Variants in MCC observed in about 807,000 individuals in gnomAD.
MCC encodes colorectal mutant cancer protein.
Under a neutral mutation model 116.2 loss-of-function variants are expected in MCC, and 90 were observed. That is an observed-to-expected ratio of 0.77 (90% CI 0.65 to 0.92). MCC has a LOEUF of 0.92. MCC is among the 40% of genes least tolerant of loss of function. The pLI is 0.00. For synonymous variants in MCC, 578 were observed against 510.5 expected, an observed-to-expected ratio of 1.13 and a Z score of -1.78; for missense variants, 1,516 against 1,312.2, an observed-to-expected ratio of 1.16 and a Z score of -2.40.
At chr5:113,457,174 C>T (rs1431217328) in intron 1 of MCC, among the ~76,000 whole-genome samples, 1 of 152,216 alleles carries the variant, frequency 6.6e-6, no homozygotes, top group African/African-American at 2.4e-5. Context: ...CCGGGGCTGC[C>T]TGCAGCGCTT....
chr5:113,136,705 A>G (rs1295480569), intron 5 of MCC, among the ~76,000 whole-genome samples: 2 of 152,168 alleles, frequency 1.3e-5, no homozygotes, highest in African/African-American at 4.8e-5. Context: ...TGTATCCTGT[A>G]ACTTTACTGA....
intron 1 of MCC, among the ~76,000 whole-genome samples, chr5:113,468,054 T>A (rs1771967234): frequency 6.6e-6 from 1 of 152,256 alleles, no homozygotes; most frequent in South Asian, 2.1e-4. Context: ...TTTGCTGAAG[T>A]TGCTTATCAG....
At chr5:113,207,858 C>G (rs1223456012) in intron 3 of MCC, among the ~76,000 whole-genome samples, 1 of 152,144 alleles carries the variant, frequency 6.6e-6, no homozygotes, top group African/African-American at 2.4e-5. Context: ...AGTCCTTCCC[C>G]TGGAGGCCAC....
At chr5:113,217,583 G>A (rs950579910) in intron 3 of MCC, among the ~76,000 whole-genome samples, 1 of 152,132 alleles carries the variant, frequency 6.6e-6, no homozygotes, top group East Asian at 1.9e-4. Context: ...TTAGCAAAAA[G>A]TAAAAAACAG....
chr5:113,030,304 A>G (rs1405707499), intron 17 of MCC, among the ~76,000 whole-genome samples: 1 of 152,194 alleles, frequency 6.6e-6, no homozygotes, highest in Non-Finnish European at 1.5e-5. Flanking sequence ...ATAATGCCTA[A>G]TAAAGGGAGA....
At chr5:113,345,500 C>T (rs1182904631) in intron 2 of MCC, among the ~76,000 whole-genome samples, 1 of 152,212 alleles carries the variant, frequency 6.6e-6, no homozygotes, top group Non-Finnish European at 1.5e-5. Flanking sequence ...CAGTGTAGTC[C>T]TAGTGGTGGG....
At position 113,451,507 on chromosome 5, in the gene MCC, G is replaced by T. The variant is rs568637033; in HGVS notation, c.170+36738C>A. Among the ~76,000 whole-genome samples the T allele has an allele frequency of 2.6e-5, 4 of 152,300 alleles. No individual in the cohort carries two copies. In the South Asian group the frequency reaches 8.3e-4, roughly 32 times the overall value. ...CCCAGCACTTTGGGAGGCCGAGGCG[G>T]GCGGATCACCTGAGTTCGGGAGTTC... On this transcript the variant is annotated intron_variant, in intron 1 of 18. Coordinates refer to ENST00000408903, the MANE Select transcript of MCC (RefSeq NM_001085377.2).
At position 113,456,722 on chromosome 5, in the gene MCC, C is replaced by T. The variant is rs1312118578; in HGVS notation, c.170+31523G>A. Among the ~76,000 whole-genome samples the T allele has an allele frequency of 5.4e-5, 8 of 148,602 alleles. No homozygotes were observed. The East Asian group carries it at 5.9e-4, about 11-fold the overall frequency. On this transcript the variant is annotated intron_variant, in intron 1 of 18. Coordinates refer to ENST00000408903, the MANE Select transcript of MCC (RefSeq NM_001085377.2). ...TCCTGACCTCGTGATCCACCTGCCT[C>T]GGCCTCCCAAAATGCTGGTATTACA...
rs1335591317 is a variant in MCC at position 113,385,206 on chromosome 5, G to A, written c.177C>T (p.Asp59=). Residue 59 remains aspartate (D), a synonymous_variant, in exon 2 of 19, where the codon GAC becomes GAT. Transcript: ENST00000408903. The part of the protein sequence containing the change: ...GDGDGYISRN[D]LLMVCRQLNM... Reference sequence around the variant, plus strand: ...TCAGCTGGCGACAGACCATTAGCAAGTCATTTCTGCAGAAGGGGTTGAACA... The same window carrying A: ...TCAGCTGGCGACAGACCATTAGCAAATCATTTCTGCAGAAGGGGTTGAACA... The A allele has an allele frequency of 2.0e-5, 32 of 1,613,608 alleles. No individual in the cohort carries two copies. Among genetic ancestry groups the A allele is most frequent in the Non-Finnish European group, 2.7e-5 (32 of 1,179,682 alleles).
chr5:113,222,147 T>A (rs747830881), intron 3 of MCC, among the ~76,000 whole-genome samples: 2 of 152,182 alleles, frequency 1.3e-5, no homozygotes, highest in Non-Finnish European at 2.9e-5. Flanking sequence ...CATGTTACAT[T>A]TTGTCAATTC....
intron 5 of MCC, among the ~76,000 whole-genome samples, chr5:113,129,195 G>T (rs1249316399): frequency 6.6e-6 from 1 of 152,214 alleles, no homozygotes; most frequent in Non-Finnish European, 1.5e-5. Context: ...GTGTGAGAGA[G>T]AGAGTTTAGG....
At chr5:113,093,024 A>G (rs1320540865) in intron 8 of MCC, among the ~76,000 whole-genome samples, 1 of 152,226 alleles carries the variant, frequency 6.6e-6, no homozygotes, top group African/African-American at 2.4e-5. Context: ...ACAGGACCAG[A>G]TGTACACACA....
At chr5:113,417,695 G>A (rs911569720) in intron 1 of MCC, among the ~76,000 whole-genome samples, 1 of 152,166 alleles carries the variant, frequency 6.6e-6, no homozygotes, top group Admixed American at 6.5e-5. Flanking sequence ...TTGGGAGGCC[G>A]AGGCAGGGGG....
intron 14 of MCC, among the ~76,000 whole-genome samples, chr5:113,055,098 G>C (rs1752743197): frequency 6.6e-6 from 1 of 152,262 alleles, no homozygotes; most frequent in African/African-American, 2.4e-5. Context: ...AAACAGGCCA[G>C]GCTGTGTTGT....
Position 113,392,359 on chromosome 5 carries a change from C to T in MCC, c.171-7147G>A, listed in dbSNP as rs768079142. 6.6e-5 allele frequency among the ~76,000 whole-genome samples: 10 copies of T among 152,118 alleles called. No homozygotes were observed. The East Asian group carries it at 9.7e-4, about 15-fold the overall frequency. On this transcript the variant is annotated intron_variant, in intron 1 of 18. Coordinates refer to ENST00000408903, the MANE Select transcript of MCC (RefSeq NM_001085377.2). ...CTAACCTCACTAAGTATAAGGAAAA[C>T]GTAATTTTAGAAACTGGATGCCATT...
At chr5:113,483,666 A>G (rs1238313310) in intron 1 of MCC, among the ~76,000 whole-genome samples, 1 of 152,210 alleles carries the variant, frequency 6.6e-6, no homozygotes, top group Admixed American at 6.5e-5. Flanking sequence ...CAGAAATACC[A>G]TTCAACCCAG....
At chr5:113,251,673 G>A (rs971739850) in intron 3 of MCC, among the ~76,000 whole-genome samples, 8 of 152,168 alleles carry the variant, frequency 5.3e-5, no homozygotes, top group African/African-American at 1.4e-4. Context: ...CAAAAAAGGC[G>A]ATAAATTCAG....
intron 3 of MCC, among the ~76,000 whole-genome samples, chr5:113,232,505 T>C (rs762839808): frequency 1.3e-5 from 2 of 152,174 alleles, no homozygotes; most frequent in African/African-American, 2.4e-5. Flanking sequence ...CTTCCTATTC[T>C]GAATTCGCAC....
intron 3 of MCC, among the ~76,000 whole-genome samples, chr5:113,243,608 GA>G (rs1403648028): frequency 1.3e-5 from 2 of 152,218 alleles, no homozygotes. Flanking sequence ...CCAAATGTTG[GA>G]AGCCAGGCCA....
Sources: allele counts gnomAD v4.1 joint callset (sites outside exome capture counted in the v4.1 genomes callset), GRCh38; gene constraint gnomAD v4.1.1; transcripts MANE v1.5; gene names NCBI Gene and HGNC (gene_info 2026-07-23, HGNC 2026-07-21).